Variants in GRM7 observed in about 807,000 individuals in gnomAD.
GRM7 encodes metabotropic glutamate receptor 7.
In GRM7, 35 loss-of-function variants were observed where a neutral mutation model predicts 84.5. That is an observed-to-expected ratio of 0.41 (90% confidence interval 0.32 to 0.55). GRM7 has a LOEUF of 0.55. Among genes scored for constraint, GRM7 ranks in the 20% least tolerant of loss-of-function variants. GRM7 has a pLI of 0.19. For synonymous variants in GRM7, 487 were observed against 455.1 expected (o/e 1.07, Z -0.89); for missense variants, 1,003 against 1,194.6 (o/e 0.84, Z 2.36).
intron 8 of GRM7, among the ~76,000 whole-genome samples, chr3:7,595,017 G>T (rs1208317272): frequency 6.6e-6 from 1 of 152,000 alleles, no homozygotes; most frequent in Admixed American, 6.6e-5. Context: ...GTCCTCTTGT[G>T]CTTTCTATTG....
At chr3:7,059,013 T>G (rs775027489) in intron 1 of GRM7, among the ~76,000 whole-genome samples, 9 of 151,854 alleles carry the variant, frequency 5.9e-5, no homozygotes, top group Non-Finnish European at 1.3e-4. Context: ...GCTAAGAACA[T>G]AAAGTACAAT....
intron 1 of GRM7, among the ~76,000 whole-genome samples, chr3:7,132,850 A>G (rs576523494): frequency 2.0e-5 from 3 of 152,174 alleles, no homozygotes; most frequent in Non-Finnish European, 4.4e-5. Flanking sequence ...TTTATTGTTC[A>G]CTAACTTGTT....
intron 7 of GRM7, among the ~76,000 whole-genome samples, chr3:7,542,848 T>C (rs1307964813): frequency 2.0e-5 from 3 of 152,166 alleles, no homozygotes; most frequent in African/African-American, 7.2e-5. Flanking sequence ...ACCCAGCCCA[T>C]GCGTAGCAAT....
chr3:7,099,802 GTA>G (rs1354558326), intron 1 of GRM7, among the ~76,000 whole-genome samples: 108 of 109,912 alleles, frequency 9.8e-4, no homozygotes, highest in Middle Eastern at 4.9e-3. Flanking sequence ...ACATGTATAT[GTA>G]CACGCATTAT....
At chr3:7,319,723 G>A (rs1304083632) in intron 4 of GRM7, among the ~76,000 whole-genome samples, 3 of 151,910 alleles carry the variant, frequency 2.0e-5, no homozygotes, top group Non-Finnish European at 4.4e-5. Flanking sequence ...ATTTATTAGG[G>A]CTAAAGAAAA....
intron 1 of GRM7, among the ~76,000 whole-genome samples, chr3:7,037,775 G>A (rs370875328): frequency 1.1e-4 from 17 of 152,140 alleles, no homozygotes; most frequent in African/African-American, 3.9e-4. Flanking sequence ...TGCAGCAACA[G>A]TCACACATCT....
chr3:7,181,625 T>C (rs1299675509), intron 2 of GRM7, among the ~76,000 whole-genome samples: 3 of 152,176 alleles, frequency 2.0e-5, no homozygotes, highest in Non-Finnish European at 4.4e-5. Flanking sequence ...TTATTTATTT[T>C]TGAGGCAGAG....
At chr3:7,481,443 C>T (rs1238942260) in intron 7 of GRM7, among the ~76,000 whole-genome samples, 4 of 152,154 alleles carry the variant, frequency 2.6e-5, no homozygotes, top group African/African-American at 9.6e-5. Flanking sequence ...AAGTTCAATG[C>T]ATCCTTTAAT....
At chr3:7,484,594 T>A (rs1475672675) in intron 7 of GRM7, among the ~76,000 whole-genome samples, 3 of 152,218 alleles carry the variant, frequency 2.0e-5, no homozygotes, top group African/African-American at 7.2e-5. Flanking sequence ...TATGGCTTGG[T>A]ACATCCTCCA....
At chr3:7,257,694 T>G (rs1698259591) in intron 2 of GRM7, among the ~76,000 whole-genome samples, 1 of 152,204 alleles carries the variant, frequency 6.6e-6, no homozygotes, top group Admixed American at 6.5e-5. Flanking sequence ...AAATAATTAC[T>G]GCTTTTGCTA....
chr3:6,984,894 G>C (rs1170105635), intron 1 of GRM7, among the ~76,000 whole-genome samples: 1 of 152,184 alleles, frequency 6.6e-6, no homozygotes, highest in Non-Finnish European at 1.5e-5. Flanking sequence ...TATTATTCCA[G>C]TGGGATATGC....
At chr3:6,877,488 C>T (rs1248783846) in intron 1 of GRM7, among the ~76,000 whole-genome samples, 1 of 152,146 alleles carries the variant, frequency 6.6e-6, no homozygotes, top group Non-Finnish European at 1.5e-5. Context: ...CCTGCCATCC[C>T]CTGCTACTCC....
chr3:7,477,488 A>T (rs1698969135), intron 7 of GRM7, among the ~76,000 whole-genome samples: 1 of 152,184 alleles, frequency 6.6e-6, no homozygotes, highest in African/African-American at 2.4e-5. Context: ...ACTACCCAAG[A>T]TAATTATTTT....
chr3:7,604,013 TC>T (rs1447375033), intron 8 of GRM7, among the ~76,000 whole-genome samples: 1 of 152,146 alleles, frequency 6.6e-6, no homozygotes, highest in Non-Finnish European at 1.5e-5. Flanking sequence ...GTAGAATTTA[TC>T]TTTTTGTCTA....
chr3:7,693,423 A>C (rs570156277), intron 9 of GRM7, among the ~76,000 whole-genome samples: 8 of 152,104 alleles, frequency 5.3e-5, no homozygotes, highest in Non-Finnish European at 8.8e-5. Context: ...AGCCCTATAA[A>C]GAAACTGGCC....
At chr3:7,293,709 A>G (rs192829967) in intron 2 of GRM7, among the ~76,000 whole-genome samples, 353 of 152,332 alleles carry the variant, frequency 2.3e-3, no homozygotes, top group African/African-American at 7.9e-3. Context: ...TTCAAATACC[A>G]GGTATGTGTG....
intron 4 of GRM7, among the ~76,000 whole-genome samples, chr3:7,373,563 T>G (rs1291969099): frequency 6.6e-6 from 1 of 152,216 alleles, no homozygotes; most frequent in African/African-American, 2.4e-5. Context: ...AAGTAAGCCC[T>G]TACTTATTTC....
chr3:7,574,616 C>G (rs1279505575), intron 7 of GRM7, among the ~76,000 whole-genome samples: 2 of 152,206 alleles, frequency 1.3e-5, no homozygotes, highest in Non-Finnish European at 2.9e-5. Context: ...AGGGCCAGAA[C>G]AAAGAAGCTG....
At chr3:6,938,318 A>G (rs982690903) in intron 1 of GRM7, among the ~76,000 whole-genome samples, 3 of 152,200 alleles carry the variant, frequency 2.0e-5, no homozygotes, top group African/African-American at 7.2e-5. Flanking sequence ...CACTTGTATC[A>G]TATTCTACCA....
Sources: gnomAD v4.1 joint callset for allele counts (sites outside exome capture counted in the v4.1 genomes callset) on GRCh38, gnomAD v4.1.1 for gene constraint, MANE v1.5 for transcripts, NCBI Gene and HGNC (gene_info 2026-07-23, HGNC 2026-07-21) for gene names.